The following ATXN1 variants were observed in gnomAD, a reference collection of about 807,000 sequenced individuals.
ATXN1 encodes ataxin-1.
In ATXN1, 8 loss-of-function variants were observed where a neutral mutation model predicts 56.4. The observed-to-expected ratio is 0.14, with a 90% CI of 0.08 to 0.26. The LOEUF is 0.26. Among genes scored for constraint, ATXN1 ranks in the 10% least tolerant of loss-of-function variants. The pLI, the probability that ATXN1 is intolerant of heterozygous loss-of-function variation, is 1.00. For synonymous variants in ATXN1, 514 were observed against 494.6 expected (o/e 1.04, Z -0.52); for missense variants, 987 against 1,106.5 (o/e 0.89, Z 1.53).
intron 6 of ATXN1, among the ~76,000 whole-genome samples, chr6:16,345,564 TATGACTCACACTCGGTGA>T (rs1426489084): frequency 6.6e-6 from 1 of 152,136 alleles, no homozygotes; most frequent in East Asian, 1.9e-4. Flanking sequence ...AAATTAGGGG[TATGACTCACACTCGGTGA>T]ATGGGTGGCT....
intron 2 of ATXN1, among the ~76,000 whole-genome samples, chr6:16,663,130 G>A (rs1039045136): frequency 1.3e-5 from 2 of 151,952 alleles, no homozygotes; most frequent in African/African-American, 2.4e-5. Flanking sequence ...CCACCACCAT[G>A]CCTGGCTAAT....
At chr6:16,373,217 T>C (rs1762080738) in intron 6 of ATXN1, among the ~76,000 whole-genome samples, 3 of 152,358 alleles carry the variant, frequency 2.0e-5, no homozygotes, top group South Asian at 2.1e-4. Flanking sequence ...ACATTGATTA[T>C]GGTTCAATGG....
At chr6:16,668,439 C>T (rs1300235920) in intron 2 of ATXN1, among the ~76,000 whole-genome samples, 1 of 143,208 alleles carries the variant, frequency 7.0e-6, no homozygotes, top group African/African-American at 2.6e-5. Context: ...TATTTTTAAA[C>T]ATCTTGCCTT....
intron 3 of ATXN1, among the ~76,000 whole-genome samples, chr6:16,603,124 C>G (rs1423063624): frequency 6.6e-6 from 1 of 152,196 alleles, no homozygotes. Flanking sequence ...GGCCTCCTAC[C>G]TAGAGTCACC....
intron 6 of ATXN1, among the ~76,000 whole-genome samples, chr6:16,376,788 T>C (rs994798435): frequency 3.3e-5 from 5 of 152,222 alleles, no homozygotes; most frequent in African/African-American, 1.2e-4. Context: ...TTAAACCTAA[T>C]GTTGATACCA....
intron 3 of ATXN1, among the ~76,000 whole-genome samples, chr6:16,630,623 C>T (rs1197441532): frequency 1.3e-5 from 2 of 152,182 alleles, no homozygotes; most frequent in African/African-American, 4.8e-5. Flanking sequence ...ACAACCTTAC[C>T]TCCCAAACAC....
chr6:16,435,875 T>C (rs1486996455), intron 6 of ATXN1, among the ~76,000 whole-genome samples: 1 of 152,076 alleles, frequency 6.6e-6, no homozygotes, highest in Non-Finnish European at 1.5e-5. Context: ...GCTCACCTAC[T>C]AGGTTGCTGT....
chr6:16,542,561 T>C (rs1442411790), intron 4 of ATXN1, among the ~76,000 whole-genome samples: 1 of 152,172 alleles, frequency 6.6e-6, no homozygotes, highest in Non-Finnish European at 1.5e-5. Context: ...GGAAAGTATG[T>C]AGCTTTCCAC....
At chr6:16,564,074 T>C (rs949927813) in intron 4 of ATXN1, among the ~76,000 whole-genome samples, 2 of 152,176 alleles carry the variant, frequency 1.3e-5, no homozygotes, top group African/African-American at 4.8e-5. Flanking sequence ...TTCTACCTTT[T>C]CAGCTGAATG....
At position 16,691,986 on chromosome 6, in the gene ATXN1, G is replaced by A. The variant is rs561070695; in HGVS notation, c.-614-34085C>T. 2.1e-3 allele frequency among the ~76,000 whole-genome samples: 314 copies of A among 152,344 alleles called. 2 individuals carry two copies. The highest frequency in any genetic ancestry group is 3.6e-3 in the Non-Finnish European group (242 of 68,024). ...CTTAGAACAAGCCTTAGAATAGGCC[G>A]GGTGTGGTGGCTCAAGCCTGTAATC... is the stretch of plus-strand genomic sequence containing the variant. On this transcript the variant is annotated intron_variant, in intron 2 of 7. Transcript: ENST00000436367.
At chr6:16,536,875 C>T (rs960148078) in intron 4 of ATXN1, among the ~76,000 whole-genome samples, 3 of 152,294 alleles carry the variant, frequency 2.0e-5, no homozygotes, top group Non-Finnish European at 2.9e-5. Context: ...TGGATTTCAG[C>T]ACTGGTACTT....
At chr6:16,427,022 A>G (rs1759171457) in intron 6 of ATXN1, among the ~76,000 whole-genome samples, 2 of 152,064 alleles carry the variant, frequency 1.3e-5, no homozygotes, top group Non-Finnish European at 2.9e-5. Flanking sequence ...ATTCTCATGG[A>G]CCAGATTGTA....
chr6:16,487,243 T>C (rs1039917758), intron 5 of ATXN1, among the ~76,000 whole-genome samples: 5 of 150,840 alleles, frequency 3.3e-5, no homozygotes, highest in African/African-American at 1.2e-4. Context: ...CAAAGGCCAG[T>C]CATGTTTTTC....
intron 3 of ATXN1, among the ~76,000 whole-genome samples, chr6:16,644,589 T>TAC (rs1390383475): frequency 1.3e-5 from 2 of 150,520 alleles, no homozygotes; most frequent in Admixed American, 6.6e-5. Context: ...TGTGTGTGTA[T>TAC]ACACACACAC....
At chr6:16,754,878 G>A (rs1435350962) in intron 1 of ATXN1, 1 of 152,134 alleles carries the variant, frequency 6.6e-6, no homozygotes, top group African/African-American at 2.4e-5. Context: ...AGTAGAAGTT[G>A]ACAAAATTCT....
intron 6 of ATXN1, among the ~76,000 whole-genome samples, chr6:16,427,237 G>A (rs927088922): frequency 1.3e-5 from 2 of 152,192 alleles, no homozygotes; most frequent in African/African-American, 4.8e-5. Flanking sequence ...TGTGCTGGAT[G>A]ATTCTTTGTG....
At chr6:16,599,675 C>T (rs1290299809) in intron 3 of ATXN1, among the ~76,000 whole-genome samples, 2 of 149,410 alleles carry the variant, frequency 1.3e-5, no homozygotes, top group Non-Finnish European at 3.0e-5. Context: ...CGCGCCACTG[C>T]ACTCCAGCCT....
chr6:16,594,074 T>C (rs1312175405), intron 3 of ATXN1, among the ~76,000 whole-genome samples: 1 of 149,378 alleles, frequency 6.7e-6, no homozygotes, highest in Non-Finnish European at 1.5e-5. Flanking sequence ...ATTAGACTAA[T>C]ATATATTAGT....
chr6:16,735,345 G>A (rs575592474), intron 2 of ATXN1, among the ~76,000 whole-genome samples: 223 of 152,300 alleles, frequency 1.5e-3, no homozygotes, highest in African/African-American at 5.0e-3. Context: ...GCTTTTCTGA[G>A]TGTGTACACT....
Sources: allele counts gnomAD v4.1 joint callset (sites outside exome capture counted in the v4.1 genomes callset), GRCh38; gene constraint gnomAD v4.1.1; transcripts MANE v1.5; gene names NCBI Gene and HGNC (gene_info 2026-07-23, HGNC 2026-07-21).